KCNIP4: variants seen among roughly 807,000 people sequenced by gnomAD.
KCNIP4 encodes the protein Kv channel-interacting protein 4.
Under a neutral mutation model 34.0 loss-of-function variants are expected in KCNIP4, and 12 were observed. That is an observed-to-expected ratio of 0.35 (90% CI 0.23 to 0.57). The LOEUF is 0.57. KCNIP4 is among the 20% of genes least tolerant of loss of function. The pLI, the probability that KCNIP4 is intolerant of heterozygous loss-of-function variation, is 0.83. For synonymous variants in KCNIP4, 124 were observed against 102.2 expected (o/e 1.21, Z -1.29); for missense variants, 238 against 311.7 (o/e 0.76, Z 1.78).
chr4:21,937,971 C>A (rs1231440635), intron 1 of KCNIP4, among the ~76,000 whole-genome samples: 1 of 152,116 alleles, frequency 6.6e-6, no homozygotes, highest in Non-Finnish European at 1.5e-5. Flanking sequence ...CATACTGCAT[C>A]ACATCTTGAC....
chr4:21,632,903 C>T (rs1430529685), intron 1 of KCNIP4, among the ~76,000 whole-genome samples: 2 of 152,070 alleles, frequency 1.3e-5, no homozygotes, highest in Non-Finnish European at 2.9e-5. Flanking sequence ...TCTGGATGCC[C>T]CAAAAGAGTT....
intron 1 of KCNIP4, among the ~76,000 whole-genome samples, chr4:21,765,532 T>C (rs1214089371): frequency 2.0e-5 from 3 of 151,964 alleles, no homozygotes; most frequent in Non-Finnish European, 4.4e-5. Context: ...AAGAGAGGAA[T>C]TGTTCCCCTG....
intron 1 of KCNIP4, among the ~76,000 whole-genome samples, chr4:21,778,236 CT>C (rs71655659): frequency 0.015 from 392 of 25,738 alleles, 1 homozygote; most frequent in Admixed American, 0.021. Flanking sequence ...TTTTTTTTTT[CT>C]TTTTTTTTTT....
intron 1 of KCNIP4, among the ~76,000 whole-genome samples, chr4:21,205,181 C>G (rs1422102230): frequency 1.3e-5 from 2 of 152,160 alleles, no homozygotes; most frequent in Non-Finnish European, 2.9e-5. Flanking sequence ...CCACAAATGT[C>G]CTATATTTCT....
chr4:20,764,941 T>C lies in KCNIP4; in HGVS notation c.289-6051A>G, dbSNP rs74478063. Among the ~76,000 whole-genome samples the C allele has an allele frequency of 7.7e-3, 1,179 of 152,288 alleles. 19 individuals are homozygous for C. Among genetic ancestry groups the C allele is most frequent in the African/African-American group, 0.027 (1,133 of 41,566 alleles). On this transcript the variant is annotated intron_variant, in intron 3 of 8. Transcript: ENST00000382152. ...ACTCCATTCCTTCTTATGCAGACCA[T>C]TACTTTTAACACTTTCATCAACCCT...
At chr4:21,361,411 C>A (rs1719206960) in intron 1 of KCNIP4, among the ~76,000 whole-genome samples, 1 of 151,854 alleles carries the variant, frequency 6.6e-6, no homozygotes. Flanking sequence ...TGCCCCCTGA[C>A]AATATTTGTA....
intron 4 of KCNIP4, among the ~76,000 whole-genome samples, chr4:20,752,223 G>A (rs757046854): frequency 6.6e-5 from 10 of 151,590 alleles, no homozygotes; most frequent in South Asian, 6.3e-4. Context: ...CATGCCCGGC[G>A]AATTTTTGTA....
Position 21,459,712 on chromosome 4 carries a change from G to A in KCNIP4, c.61+488859C>T, listed in dbSNP as rs574625869. ...CTCCCCCCATTTCAGGACAGGTGAA[G>A]TCTTATAATTAGTGAGGTCAAAAAT... On this transcript the variant is annotated intron_variant, in intron 1 of 8. Coordinates refer to ENST00000382152, the MANE Select transcript of KCNIP4 (RefSeq NM_025221.6). 5.9e-5 allele frequency among the ~76,000 whole-genome samples: 9 copies of A among 152,098 alleles called. No homozygotes were observed. In the South Asian group the frequency reaches 1.7e-3, roughly 28 times the overall value.
intron 1 of KCNIP4, among the ~76,000 whole-genome samples, chr4:21,097,564 A>T (rs998442584): frequency 6.6e-6 from 1 of 151,946 alleles, no homozygotes; most frequent in African/African-American, 2.4e-5. Flanking sequence ...CTATTATTAC[A>T]TCTGTCTTGG....
At chr4:21,688,747 G>A (rs1055377296) in intron 1 of KCNIP4, among the ~76,000 whole-genome samples, 4 of 151,902 alleles carry the variant, frequency 2.6e-5, no homozygotes, top group Admixed American at 6.6e-5. Flanking sequence ...TGCAGCAATC[G>A]GGTTGTCTGG....
At chr4:21,712,722 T>G (rs1297188560) in intron 1 of KCNIP4, among the ~76,000 whole-genome samples, 5 of 152,100 alleles carry the variant, frequency 3.3e-5, no homozygotes, top group Non-Finnish European at 7.4e-5. Flanking sequence ...CATAGATCAA[T>G]GCTATGGACA....
intron 1 of KCNIP4, among the ~76,000 whole-genome samples, chr4:21,828,388 T>C (rs10000721): frequency 0.015 from 2,211 of 151,754 alleles, 43 homozygotes; most frequent in African/African-American, 0.05. Context: ...CTAATAACAA[T>C]GTAACTGAAT....
chr4:20,782,690 C>T (rs2149394030), intron 3 of KCNIP4, among the ~76,000 whole-genome samples: 1 of 152,144 alleles, frequency 6.6e-6, no homozygotes, highest in South Asian at 2.1e-4. Context: ...CCATTTTTTT[C>T]CTCCTATACC....
intron 1 of KCNIP4, among the ~76,000 whole-genome samples, chr4:21,283,162 T>A (rs1278809368): frequency 6.6e-6 from 1 of 152,200 alleles, no homozygotes; most frequent in African/African-American, 2.4e-5. Context: ...AGTAGATTAG[T>A]AGTTGCCTGG....
intron 1 of KCNIP4, among the ~76,000 whole-genome samples, chr4:21,717,361 A>C (rs1409461339): frequency 6.6e-6 from 1 of 152,058 alleles, no homozygotes; most frequent in African/African-American, 2.4e-5. Flanking sequence ...TTTACACATG[A>C]TTTTCACAAT....
intron 3 of KCNIP4, among the ~76,000 whole-genome samples, chr4:20,799,786 C>T (rs978656345): frequency 6.6e-6 from 1 of 152,160 alleles, no homozygotes; most frequent in African/African-American, 2.4e-5. Context: ...CTGTTGGTTC[C>T]AGGATCTGAA....
intron 1 of KCNIP4, among the ~76,000 whole-genome samples, chr4:21,858,942 T>G (rs993234293): frequency 6.6e-6 from 1 of 152,160 alleles, no homozygotes; most frequent in African/African-American, 2.4e-5. Context: ...ACAGGAAATT[T>G]AGAAAAACAA....
intron 1 of KCNIP4, among the ~76,000 whole-genome samples, chr4:21,106,549 C>T (rs992893465): frequency 2.7e-5 from 4 of 146,882 alleles, no homozygotes; most frequent in Middle Eastern, 6.8e-3. Context: ...ACAAAACCAG[C>T]TCCTGGATTC....
At chr4:20,765,826 G>T (rs1433916397) in intron 3 of KCNIP4, among the ~76,000 whole-genome samples, 1 of 152,164 alleles carries the variant, frequency 6.6e-6, no homozygotes, top group East Asian at 1.9e-4. Context: ...TGAAGAAACA[G>T]TCGCCTTTTG....
Sources: allele counts gnomAD v4.1 joint callset (sites outside exome capture counted in the v4.1 genomes callset), GRCh38; gene constraint gnomAD v4.1.1; transcripts MANE v1.5; gene names NCBI Gene and HGNC (gene_info 2026-07-23, HGNC 2026-07-21).